Variants in PCDHGB4 observed in about 807,000 individuals in gnomAD.
The protein encoded by PCDHGB4 is protocadherin gamma-B4.
Under a neutral mutation model 60.5 loss-of-function variants are expected in PCDHGB4, and 38 were observed. The ratio of observed to expected loss-of-function variants is 0.63; its 90% CI spans 0.48 to 0.82. The LOEUF (loss-of-function observed/expected upper bound fraction) is 0.82, where lower values mean the gene tolerates loss of function less well. PCDHGB4 is among the 40% of genes least tolerant of loss of function. The probability of loss-of-function intolerance (pLI) is 0.00; values close to 1 mark genes in which losing one functional copy is unlikely to be tolerated. For missense variants in PCDHGB4, 1,109 were observed against 1,209.6 expected, an observed-to-expected ratio of 0.92 and a Z score of 1.23; for synonymous variants, 456 against 509.7, an observed-to-expected ratio of 0.89 and a Z score of 1.42.
At position 141,489,985 on chromosome 5, in the gene PCDHGB4, G is replaced by C. The variant is rs761481986; in HGVS notation, c.2398-4822G>C. ...AACCTTCCAATCCTCAGTTCTACGT[G>C]TGGGAATCCCAGAGAATGCACCCAT... On this transcript the variant is annotated intron_variant, in intron 1 of 3. Coordinates refer to ENST00000519479, the MANE Select transcript of PCDHGB4 (RefSeq NM_003736.4). This position sits in a 1 kb window ranked among gnomAD's most constrained non-coding sequence, Gnocchi z 4.5. 3 of 1,614,212 alleles carry C rather than the reference G, an allele frequency of 1.9e-6. No individual in the cohort carries two copies. The East Asian group carries it at 6.7e-5, about 36-fold the overall frequency.
intron 1 of PCDHGB4, among the ~76,000 whole-genome samples, chr5:141,466,180 AT>A (rs922532578): frequency 6.6e-6 from 1 of 151,138 alleles, no homozygotes; most frequent in Admixed American, 6.6e-5. Context: ...TTTTATTTTT[AT>A]TTTTTTTCAG....
Position 141,432,826 on chromosome 5 carries a change from CACTCTGTACCT to C in PCDHGB4, c.2397+42546_2397+42556del, listed in dbSNP as rs1251102522. 6.2e-7 allele frequency: 1 copy of C among 1,614,096 alleles called. No homozygotes were observed. Among genetic ancestry groups the C allele is most frequent in the Non-Finnish European group, 8.5e-7 (1 of 1,180,020 alleles). On this transcript the variant is annotated intron_variant, in intron 1 of 3. Coordinates refer to ENST00000519479, the MANE Select transcript of PCDHGB4 (RefSeq NM_003736.4). This position sits in a 1 kb window ranked among gnomAD's most constrained non-coding sequence, Gnocchi z 6.0. Reference sequence around the variant, plus strand: ...CAGCTAACTCTGAAACCTCAGACCTCACTCTGTACCTGGTGGTAGCGGTGGCCGCGGTCTCC... The same window carrying C: ...CAGCTAACTCTGAAACCTCAGACCTCGGTGGTAGCGGTGGCCGCGGTCTCC...
chr5:141,432,276 C>G lies in PCDHGB4; in HGVS notation c.2397+41995C>G, dbSNP rs747589363. ...GGGGCAAGCCTATCGTCCTACGTGT[C>G]CATCAACTCCGACACTGGGGTACTG... On this transcript the variant is annotated intron_variant, in intron 1 of 3. Transcript: ENST00000519479. The surrounding 1 kb of genome is among the most constrained non-coding windows in gnomAD (Gnocchi z 6.0). 6.2e-7 allele frequency: 1 copy of G among 1,614,236 alleles called. No homozygotes were observed. Among genetic ancestry groups the G allele is most frequent in the Non-Finnish European group, 8.5e-7 (1 of 1,180,044 alleles).
chr5:141,474,083 A>G (rs771906750), intron 1 of PCDHGB4, among the ~76,000 whole-genome samples: 2 of 152,190 alleles, frequency 1.3e-5, no homozygotes, highest in African/African-American at 2.4e-5. Flanking sequence ...AACAAAAACC[A>G]AAAAACAAAC....
intron 1 of PCDHGB4, among the ~76,000 whole-genome samples, chr5:141,434,285 T>G (rs1358981946): frequency 6.6e-6 from 1 of 152,232 alleles, no homozygotes; most frequent in Non-Finnish European, 1.5e-5. Context: ...GTATTCTCTG[T>G]TTTTCCTGTA....
intron 1 of PCDHGB4, chr5:141,393,852 G>A (rs780721020): frequency 3.1e-6 from 5 of 1,614,004 alleles, no homozygotes; most frequent in South Asian, 1.1e-5. Flanking sequence ...TAGACCAGAA[G>A]TGATCATTAC....
intron 1 of PCDHGB4, chr5:141,399,389 C>G: frequency 1.2e-6 from 2 of 1,614,024 alleles, no homozygotes; most frequent in East Asian, 2.2e-5. Flanking sequence ...ATCACAGCCA[C>G]AGACAGGGGC....
In PCDHGB4 at chr5:141,431,561, G is replaced by T; in HGVS notation, c.2397+41280G>T. The T allele has an allele frequency of 6.2e-7, 1 of 1,614,146 alleles. No homozygotes were observed. On this transcript the variant is annotated intron_variant, in intron 1 of 3. Transcript: ENST00000519479. This position sits in a 1 kb window ranked among gnomAD's most constrained non-coding sequence, Gnocchi z 4.8. Reference sequence around the variant, plus strand: ...GCAGCTGCTTGTAGTCAACGCTACCGACCCTGACGAAGGAGTCAATGCGGA... The same window carrying T: ...GCAGCTGCTTGTAGTCAACGCTACCTACCCTGACGAAGGAGTCAATGCGGA...
At chr5:141,434,431 T>C (rs931458644) in intron 1 of PCDHGB4, among the ~76,000 whole-genome samples, 2 of 152,186 alleles carry the variant, frequency 1.3e-5, no homozygotes, top group African/African-American at 2.4e-5. Context: ...ATGATGGCCG[T>C]AATGCCCATG....
At chr5:141,466,871 T>C (rs1432611218) in intron 1 of PCDHGB4, among the ~76,000 whole-genome samples, 2 of 152,166 alleles carry the variant, frequency 1.3e-5, no homozygotes, top group African/African-American at 4.8e-5. Flanking sequence ...ATCCACACAT[T>C]TTTTTCATAA....
chr5:141,453,341 C>T (rs1327119655), intron 1 of PCDHGB4, among the ~76,000 whole-genome samples: 2 of 151,822 alleles, frequency 1.3e-5, no homozygotes, highest in East Asian at 3.9e-4. Context: ...CTATGTTTCC[C>T]CAGGCTGACC....
Position 141,489,089 on chromosome 5 carries a change from A to T in PCDHGB4, c.2398-5718A>T, listed in dbSNP as rs1214993065. The T allele has an allele frequency of 7.4e-5, 21 of 284,398 alleles. No homozygotes were observed. Among genetic ancestry groups the T allele is most frequent in the East Asian group, 1.1e-4 (2 of 17,560 alleles). The allele number at this position is 284,398 out of a possible 1,614,324, so 17.6% of individuals were successfully genotyped here. On this transcript the variant is annotated intron_variant, in intron 1 of 3. Coordinates refer to ENST00000519479, the MANE Select transcript of PCDHGB4 (RefSeq NM_003736.4). This position sits in a 1 kb window ranked among gnomAD's most constrained non-coding sequence, Gnocchi z 4.5. ...CCCTGCCCACCCCCGCCACTCGGTGACTAAGAACTGCTGCAAGCAGGCAAA... is the reference window on the plus strand; with the variant it reads ...CCCTGCCCACCCCCGCCACTCGGTGTCTAAGAACTGCTGCAAGCAGGCAAA...
chr5:141,432,449 T>C lies in PCDHGB4; in HGVS notation c.2397+42168T>C. 5.6e-6 allele frequency: 9 copies of C among 1,614,220 alleles called. No individual in the cohort carries two copies. The highest frequency in any genetic ancestry group is 7.6e-6 in the Non-Finnish European group (9 of 1,180,038). On this transcript the variant is annotated intron_variant, in intron 1 of 3. Coordinates refer to ENST00000519479, the MANE Select transcript of PCDHGB4 (RefSeq NM_003736.4). The surrounding 1 kb of genome is among the most constrained non-coding windows in gnomAD (Gnocchi z 6.0). The stretch of plus-strand genomic sequence containing the variant: ...GAACGACAATGCGCCCGAGATCCTG[T>C]ACCCCGCCCTCCCCACGGACGGTTC...
rs148589854 is a variant in PCDHGB4, at chr5:141,393,112, C to T, written c.2397+2831C>T. ...CGGGAGGAGCTCTGCGCTCAGAGCC[C>T]GCGGTGTCTGATAAATATTAACACC... On this transcript the variant is annotated intron_variant, in intron 1 of 3. Transcript: ENST00000519479. 5.0e-3 allele frequency: 7,989 copies of T among 1,613,452 alleles called. 48 individuals carry two copies. The highest frequency in any genetic ancestry group is 9.4e-3 in the Admixed American group (566 of 60,028).
At position 141,477,632 on chromosome 5, in the gene PCDHGB4, G is replaced by A. The variant is rs1262622928; in HGVS notation, c.2398-17175G>A. Reference sequence around the variant, plus strand: ...GGAGCAAGGAGCTGAAACCGGGCTAGTGGGTCGCTATTTCACAATAAATCG... The same window carrying A: ...GGAGCAAGGAGCTGAAACCGGGCTAATGGGTCGCTATTTCACAATAAATCG... On this transcript the variant is annotated intron_variant, in intron 1 of 3. Coordinates refer to ENST00000519479, the MANE Select transcript of PCDHGB4 (RefSeq NM_003736.4). This position sits in a 1 kb window ranked among gnomAD's most constrained non-coding sequence, Gnocchi z 4.9. 6.8e-6 allele frequency: 11 copies of A among 1,614,218 alleles called. No homozygotes were observed. Among genetic ancestry groups the A allele is most frequent in the Non-Finnish European group, 9.3e-6 (11 of 1,180,046 alleles).
Position 141,489,068 on chromosome 5 carries a change from G to GC in PCDHGB4, c.2398-5736dup. ...CTCAAATTCAGCTCCCCTCCCCCCT[G>GC]CCCACCCCCGCCACTCGGTGACTAA... On this transcript the variant is annotated intron_variant, in intron 1 of 3. Transcript: ENST00000519479. The surrounding 1 kb of genome is among the most constrained non-coding windows in gnomAD (Gnocchi z 4.5). 3 of 291,558 alleles carry GC rather than the reference G, an allele frequency of 1.0e-5. No homozygotes were observed. Among genetic ancestry groups the GC allele is most frequent in the Admixed American group, 5.4e-5 (1 of 18,530 alleles). 18.1% of individuals were successfully genotyped at this position (291,558 alleles called of 1,614,324 possible).
At chr5:141,501,881 C>T (rs1396427606) in intron 2 of PCDHGB4, among the ~76,000 whole-genome samples, 1 of 152,124 alleles carries the variant, frequency 6.6e-6, no homozygotes, top group East Asian at 1.9e-4. Context: ...CCTTACACTC[C>T]TGATCATCAT....
rs779733638 is a variant in PCDHGB4, at chr5:141,389,842, C to T, written c.1958C>T (p.Ser653Leu). The change falls in exon 1 of 4, where the codon TCG (serine) becomes TTG (leucine). Residue 653 changes from serine to leucine, a missense_variant. This residue lies in a region of PCDHGB4 where 1,068 missense variants were observed against 1,089.9 expected (regional missense o/e 0.98). Transcript: ENST00000519479. ...AVRDGGQPPLSATATLHLVFA... is the reference protein window; with the variant it reads ...AVRDGGQPPLLATATLHLVFA... ...CGTGACGGTGGACAGCCACCACTCT[C>T]GGCCACTGCCACGTTGCACCTGGTC... 21 of 1,614,018 alleles carry T rather than the reference C, an allele frequency of 1.3e-5. No homozygotes were observed. The highest frequency in any genetic ancestry group is 1.7e-5 in the Non-Finnish European group (20 of 1,179,904).
intron 1 of PCDHGB4, chr5:141,408,948 T>C (rs768951087): frequency 6.2e-7 from 1 of 1,613,478 alleles, no homozygotes; most frequent in Non-Finnish European, 8.5e-7. Context: ...GAATATAGAA[T>C]TAGTCTTAGT....
Sources: gnomAD v4.1 joint callset for allele counts (sites outside exome capture counted in the v4.1 genomes callset) on GRCh38, gnomAD v4.1.1 for gene constraint, gnomAD v4.1.1 regional missense constraint, Gnocchi (gnomAD v3.1) non-coding constraint, MANE v1.5 for transcripts, NCBI Gene and HGNC (gene_info 2026-07-23, HGNC 2026-07-21) for gene names.